The following CAMK4 variants were observed in gnomAD, a reference collection of about 807,000 sequenced individuals.
CAMK4 encodes calcium/calmodulin-dependent protein kinase type IV.
In CAMK4, 22 loss-of-function variants were observed where a neutral mutation model predicts 44.9. The observed-to-expected ratio is 0.49, with a 90% CI of 0.35 to 0.70. CAMK4 has a LOEUF of 0.70. Among genes scored for constraint, CAMK4 ranks in the 30% least tolerant of loss-of-function variants. CAMK4 has a pLI of 0.01. For synonymous variants in CAMK4, 218 were observed against 215.4 expected (o/e 1.01, Z -0.11); for missense variants, 498 against 586.8 (o/e 0.85, Z 1.56).
intron 1 of CAMK4, among the ~76,000 whole-genome samples, chr5:111,309,865 G>C (rs974424470): frequency 6.6e-6 from 1 of 152,166 alleles, no homozygotes; most frequent in Non-Finnish European, 1.5e-5. Flanking sequence ...GTGTCATGTG[G>C]AGGTGGGGGC....
chr5:111,413,532 G>A lies in CAMK4; in HGVS notation c.459+18750G>A, dbSNP rs181343151. On this transcript the variant is annotated intron_variant, in intron 5 of 10. Coordinates refer to ENST00000282356, the MANE Select transcript of CAMK4 (RefSeq NM_001744.6). ...GTGGAGGTTGCAGTGAGCCAAGATC[G>A]TGCCACTGCACTGCAGCCTGGGTGA... is the stretch of plus-strand genomic sequence containing the variant. Among the ~76,000 whole-genome samples the A allele has an allele frequency of 4.2e-4, 64 of 151,494 alleles. No individual in the cohort carries two copies. The East Asian group carries it at 8.5e-3, about 20-fold the overall frequency.
At chr5:111,296,870 T>C (rs190853511) in intron 1 of CAMK4, among the ~76,000 whole-genome samples, 1 of 152,364 alleles carries the variant, frequency 6.6e-6, no homozygotes. Context: ...TTATGGGTCA[T>C]TCTGTTCTAA....
At chr5:111,410,431 G>T (rs1752592062) in intron 5 of CAMK4, among the ~76,000 whole-genome samples, 1 of 152,138 alleles carries the variant, frequency 6.6e-6, no homozygotes, top group Non-Finnish European at 1.5e-5. Context: ...GACACAAGGG[G>T]ATTATTACAG....
chr5:111,225,873 A>G (rs1748165242), intron 1 of CAMK4, among the ~76,000 whole-genome samples: 1 of 152,254 alleles, frequency 6.6e-6, no homozygotes, highest in Admixed American at 6.5e-5. Context: ...TGAGCACTGA[A>G]TAATGTATAC....
At chr5:111,302,555 A>T (rs1327738680) in intron 1 of CAMK4, 3 of 97,246 alleles carry the variant, frequency 3.1e-5, no homozygotes, top group Non-Finnish European at 6.0e-5. Flanking sequence ...GAAACGGCGC[A>T]CCACGAGACT....
intron 1 of CAMK4, among the ~76,000 whole-genome samples, chr5:111,331,878 A>AT (rs547049577): frequency 1.5e-3 from 227 of 151,474 alleles, no homozygotes; most frequent in Non-Finnish European, 2.1e-3. Context: ...TTATTTATAG[A>AT]TTTTTTCTTA....
At chr5:111,429,325 A>T (rs530354659) in intron 5 of CAMK4, among the ~76,000 whole-genome samples, 3 of 152,348 alleles carry the variant, frequency 2.0e-5, no homozygotes, top group Admixed American at 2.0e-4. Flanking sequence ...TACTACAGAA[A>T]TTCAAAGGTA....
In CAMK4 at chr5:111,394,868, T is replaced by C. The variant is rs1173832116; in HGVS notation, c.459+86T>C. ...TCATTTAAGAAATGCGCATCTGTGA[T>C]AAGCCATACATTTTACAGCATAAAG... On this transcript the variant is annotated intron_variant, in intron 5 of 10. Coordinates refer to ENST00000282356, the MANE Select transcript of CAMK4 (RefSeq NM_001744.6). 7.1e-6 allele frequency: 6 copies of C among 840,038 alleles called. No homozygotes were observed. In the East Asian group the frequency reaches 1.3e-4, roughly 18 times the overall value. 52.0% of individuals were successfully genotyped at this position (840,038 alleles called of 1,614,324 possible).
At chr5:111,283,596 G>C (rs1031376236) in intron 1 of CAMK4, among the ~76,000 whole-genome samples, 1 of 152,198 alleles carries the variant, frequency 6.6e-6, no homozygotes, top group African/African-American at 2.4e-5. Flanking sequence ...TGAATGGAAG[G>C]TTTCAAATAA....
intron 2 of CAMK4, among the ~76,000 whole-genome samples, chr5:111,361,113 A>G (rs1459921947): frequency 6.6e-6 from 1 of 152,098 alleles, no homozygotes; most frequent in East Asian, 1.9e-4. Flanking sequence ...AAGAATAGGC[A>G]GTGAGCTAAG....
chr5:111,323,394 A>C (rs778347139), intron 1 of CAMK4, among the ~76,000 whole-genome samples: 22 of 152,100 alleles, frequency 1.4e-4, no homozygotes, highest in Non-Finnish European at 2.9e-4. Context: ...AAAAAATCAC[A>C]AGTCAAACCA....
At chr5:111,403,903 G>A (rs190418985) in intron 5 of CAMK4, among the ~76,000 whole-genome samples, 5 of 152,232 alleles carry the variant, frequency 3.3e-5, no homozygotes, top group Non-Finnish European at 7.4e-5. Flanking sequence ...AGATTCTGGA[G>A]CATGTGTCTA....
At chr5:111,241,544 A>G (rs531626210) in intron 1 of CAMK4, among the ~76,000 whole-genome samples, 17 of 152,038 alleles carry the variant, frequency 1.1e-4, no homozygotes, top group Non-Finnish European at 2.9e-5. Flanking sequence ...TTCTTACTCT[A>G]TCTAGTCTTT....
At chr5:111,309,457 TTTG>T (rs142206693) in intron 1 of CAMK4, among the ~76,000 whole-genome samples, 2 of 152,086 alleles carry the variant, frequency 1.3e-5, no homozygotes, top group African/African-American at 4.8e-5. Context: ...TGTGCCCATT[TTTG>T]TTGTTGTTGT....
At chr5:111,466,833 G>GA (rs71626643) in intron 7 of CAMK4, among the ~76,000 whole-genome samples, 65,414 of 151,756 alleles carry the variant, frequency 0.43, 14,556 homozygotes, top group Middle Eastern at 0.53. Context: ...CACAGAGTTA[G>GA]AAAAAAACTA....
At chr5:111,351,773 A>T (rs1750117449) in intron 2 of CAMK4, among the ~76,000 whole-genome samples, 1 of 152,084 alleles carries the variant, frequency 6.6e-6, no homozygotes, top group Non-Finnish European at 1.5e-5. Context: ...ATAATATGTC[A>T]TACTTTGTGA....
At chr5:111,377,618 T>G (rs1267302979) in intron 4 of CAMK4, among the ~76,000 whole-genome samples, 1 of 152,148 alleles carries the variant, frequency 6.6e-6, no homozygotes, top group Non-Finnish European at 1.5e-5. Context: ...TTGTTCCATC[T>G]TCCCCACCCT....
At chr5:111,244,306 A>G (rs149008245) in intron 1 of CAMK4, among the ~76,000 whole-genome samples, 1,696 of 152,332 alleles carry the variant, frequency 0.011, 16 homozygotes, top group Non-Finnish European at 0.019. Flanking sequence ...AAAAATTGAA[A>G]TGCATCAAAA....
At chr5:111,308,429 A>G (rs897991009) in intron 1 of CAMK4, among the ~76,000 whole-genome samples, 3 of 152,236 alleles carry the variant, frequency 2.0e-5, no homozygotes, top group Non-Finnish European at 4.4e-5. Flanking sequence ...TTTTTGTTTT[A>G]TGAAATAATT....
Sources: allele counts gnomAD v4.1 joint callset (sites outside exome capture counted in the v4.1 genomes callset), GRCh38; gene constraint gnomAD v4.1.1; transcripts MANE v1.5; gene names NCBI Gene and HGNC (gene_info 2026-07-23, HGNC 2026-07-21).